ESCO2: variants seen among roughly 807,000 people sequenced by gnomAD.
ESCO2 encodes establishment of sister chromatid cohesion N-acetyltransferase 2, also known as N-acetyltransferase ESCO2.
In ESCO2, 51 loss-of-function variants were observed where a neutral mutation model predicts 61.7. That is an observed-to-expected ratio of 0.83 (90% confidence interval 0.66 to 1.04). The LOEUF (loss-of-function observed/expected upper bound fraction) is 1.04. ESCO2 is among the 50% of genes least tolerant of loss of function. The pLI is 0.00. For missense variants in ESCO2, 692 were observed against 686.2 expected, an observed-to-expected ratio of 1.01 and a Z score of -0.09; for synonymous variants, 230 against 238.2, an observed-to-expected ratio of 0.97 and a Z score of 0.32.
chr8:27,817,816 G>A, the ESCO2 span, among the ~76,000 whole-genome samples: 2 of 152,038 alleles, frequency 1.3e-5, no homozygotes, highest in African/African-American at 2.4e-5. Context: ...TTCTGAGCTT[G>A]AGCATTTAAC....
chr8:27,802,459 T>C (rs1444807569), intron 10 of ESCO2, among the ~76,000 whole-genome samples: 1 of 148,452 alleles, frequency 6.7e-6, no homozygotes, highest in Non-Finnish European at 1.5e-5. Context: ...AATACCAAAT[T>C]AGCCGGGTGT....
In ESCO2 at chr8:27,776,880, C is replaced by G; in HGVS notation, c.572C>G (p.Ala191Gly). 1 of 1,614,138 alleles carries G rather than the reference C, an allele frequency of 6.2e-7. No homozygotes were observed. The highest frequency in any genetic ancestry group is 8.5e-7 in the Non-Finnish European group (1 of 1,180,046). Residue 191 changes from alanine to glycine, a missense_variant, in exon 3 of 11, where the codon GCT becomes GGT. Physicochemically the swap from Ala to Gly is moderately conservative, Grantham distance 60. Transcript: ENST00000305188. ...NCHSAENNSN[A>G]PRVLSQKIKP... ...CATTCAGCTGAAAATAATTCCAATG[C>G]TCCTCGGGTTCTGAGCCAAAAAATA...
upstream of ESCO2, chr8:27,772,564 T>C (rs1411999099): frequency 3.2e-6 from 5 of 1,548,092 alleles, no homozygotes; most frequent in African/African-American, 4.1e-5. Flanking sequence ...GTGCGGTGAC[T>C]CCACCGCGGA....
chr8:27,805,804 CAG>C (rs1386086228), downstream of ESCO2, among the ~76,000 whole-genome samples: 2 of 152,012 alleles, frequency 1.3e-5, no homozygotes, highest in African/African-American at 4.8e-5. Flanking sequence ...TTAGTAGAGA[CAG>C]AGTGTCACCA....
chr8:27,805,643 T>C (rs1805550000), downstream of ESCO2, among the ~76,000 whole-genome samples: 1 of 151,978 alleles, frequency 6.6e-6, no homozygotes, highest in Admixed American at 6.6e-5. Flanking sequence ...TTTCTTTTTT[T>C]CCCCCGCCCT....
chr8:27,779,591 G>A (rs556820022), intron 3 of ESCO2: 2 of 152,384 alleles, frequency 1.3e-5, no homozygotes, highest in South Asian at 2.1e-4. Flanking sequence ...CATTATGGAA[G>A]TGATGGTCTG....
chr8:27,790,384 G>A (rs888186963), intron 7 of ESCO2, among the ~76,000 whole-genome samples: 12 of 152,200 alleles, frequency 7.9e-5, no homozygotes, highest in African/African-American at 2.6e-4. Flanking sequence ...GAATGCAAAA[G>A]TATATCCAGT....
At chr8:27,815,381 A>C (rs1333592377), downstream of ESCO2, among the ~76,000 whole-genome samples, 1 of 152,210 alleles carries the variant, frequency 6.6e-6, no homozygotes, top group Non-Finnish European at 1.5e-5. Flanking sequence ...AGGAAAGATG[A>C]GTGGTGTCTC....
downstream of ESCO2, among the ~76,000 whole-genome samples, chr8:27,817,352 G>C (rs191044743): frequency 1.5e-4 from 23 of 152,126 alleles, 1 homozygote; most frequent in African/African-American, 5.5e-4. Context: ...AGAAAGTCTT[G>C]CTCCGGCTCA....
chr8:27,785,467 C>T (rs1054781969), intron 5 of ESCO2, among the ~76,000 whole-genome samples: 7 of 152,036 alleles, frequency 4.6e-5, no homozygotes, highest in East Asian at 1.9e-4. Flanking sequence ...TTTGGGAGGC[C>T]GAGGTGGGTG....
At chr8:27,791,828 T>A in intron 7 of ESCO2, 135 bp from the exon 8 acceptor site, 1 of 781,676 alleles carries the variant, frequency 1.3e-6, no homozygotes, top group Non-Finnish European at 2.1e-6. Context: ...CACATTACTT[T>A]TAGTTGGATT....
intron 7 of ESCO2, among the ~76,000 whole-genome samples, chr8:27,791,409 A>G (rs950700289): frequency 6.6e-6 from 1 of 152,174 alleles, no homozygotes; most frequent in African/African-American, 2.4e-5. Context: ...GCTCACTGAC[A>G]TCTTACCAAG....
chr8:27,816,654 G>GTGTC (rs1229040033), downstream of ESCO2, among the ~76,000 whole-genome samples: 1 of 151,784 alleles, frequency 6.6e-6, no homozygotes, highest in East Asian at 1.9e-4. Flanking sequence ...GGGATTACAG[G>GTGTC]TGTCAGCCAC....
At chr8:27,795,503 C>G (rs1308728075) in intron 9 of ESCO2, among the ~76,000 whole-genome samples, 1 of 152,114 alleles carries the variant, frequency 6.6e-6, no homozygotes, top group Non-Finnish European at 1.5e-5. Flanking sequence ...GAATGCCTTT[C>G]TTTTTTCTTC....
In ESCO2 at chr8:27,777,170, G is replaced by C; in HGVS notation, c.861+1G>C. 6.3e-7 allele frequency: 1 copy of C among 1,599,346 alleles called. No homozygotes were observed. Among genetic ancestry groups the C allele is most frequent in the Non-Finnish European group, 8.5e-7 (1 of 1,176,142 alleles). On this transcript the variant is annotated splice_donor_variant, in intron 3 of 10. Coordinates refer to ENST00000305188, the MANE Select transcript of ESCO2 (RefSeq NM_001017420.3). LOFTEE classifies it high-confidence loss of function. ...TAAAAATAAAGAGAAATTAATAAAGGTAAAGCTAAATATATCACTTTAAAA... is the reference window on the plus strand; with the variant it reads ...TAAAAATAAAGAGAAATTAATAAAGCTAAAGCTAAATATATCACTTTAAAA...
intron 7 of ESCO2, among the ~76,000 whole-genome samples, chr8:27,789,548 G>C (rs1390094425): frequency 6.6e-6 from 1 of 152,160 alleles, no homozygotes; most frequent in African/African-American, 2.4e-5. Flanking sequence ...GGGAGGCCGA[G>C]GTGGGTGGAT....
At position 27,804,190 on chromosome 8, in the gene ESCO2, G is replaced by A. The variant is rs747030653; in HGVS notation, c.*752G>A. On this transcript the variant is annotated 3_prime_UTR_variant, in exon 11 of 11. Coordinates refer to ENST00000305188, the MANE Select transcript of ESCO2 (RefSeq NM_001017420.3). ...CTGTAGAGCAGAATTTGATAGCTTA[G>A]TGTTCAATCTTTTTGAAAATAAATG... 1.0e-6 allele frequency: 1 copy of A among 985,162 alleles called. No individual in the cohort carries two copies. The highest frequency in any genetic ancestry group is 1.1e-4 in the East Asian group (1 of 8,834). The allele number at this position is 985,162 out of a possible 1,614,324, so 61.0% of individuals were successfully genotyped here.
downstream of ESCO2, among the ~76,000 whole-genome samples, chr8:27,815,369 G>A (rs1805789659): frequency 6.6e-6 from 1 of 152,210 alleles, no homozygotes. Context: ...CAGCAGGCAA[G>A]AAGGAAAGAT....
chr8:27,788,996 C>T lies in ESCO2; in HGVS notation c.1263+18C>T, dbSNP rs745393450. Reference sequence around the variant, plus strand: ...AATATGTGGTGAGCCAAAACATAGTCTTTCAGTTTGTTCTAGAAGTAAAAC... The same window carrying T: ...AATATGTGGTGAGCCAAAACATAGTTTTTCAGTTTGTTCTAGAAGTAAAAC... On this transcript the variant is annotated intron_variant, in intron 7 of 10. Transcript: ENST00000305188. 10 of 1,613,744 alleles carry T rather than the reference C, an allele frequency of 6.2e-6. No individual in the cohort carries two copies. Among genetic ancestry groups the T allele is most frequent in the Admixed American group, 5.0e-5 (3 of 59,992 alleles).
Sources: gnomAD v4.1 joint callset for allele counts (sites outside exome capture counted in the v4.1 genomes callset) on GRCh38, gnomAD v4.1.1 for gene constraint, MANE v1.5 for transcripts, NCBI Gene and HGNC (gene_info 2026-07-23, HGNC 2026-07-21) for gene names.